SWAP70: variants seen among roughly 807,000 people sequenced by gnomAD.
SWAP70 encodes switching B cell complex subunit SWAP70.
In SWAP70, 34 loss-of-function variants were observed where a neutral mutation model predicts 80.2. The ratio of observed to expected loss-of-function variants is 0.42; its 90% CI spans 0.32 to 0.56. The LOEUF is 0.56. Ranked by LOEUF, SWAP70 falls within the 20% of genes least tolerant of loss-of-function variation. SWAP70 has a pLI of 0.09. For synonymous variants in SWAP70, 239 were observed against 238.5 expected, an observed-to-expected ratio of 1.00 and a Z score of -0.02; for missense variants, 578 against 690.7, an observed-to-expected ratio of 0.84 and a Z score of 1.83.
chr11:9,748,141 A>C, intron 10 of SWAP70, 85 bp downstream of exon 10: 1 of 1,371,292 alleles, frequency 7.3e-7, no homozygotes, highest in South Asian at 1.3e-5. Flanking sequence ...TTAGCTGCCA[A>C]TATGAAGCTG....
intron 2 of SWAP70, among the ~76,000 whole-genome samples, chr11:9,695,837 C>G (rs1480115381): frequency 1.3e-5 from 2 of 152,044 alleles, no homozygotes; most frequent in Non-Finnish European, 2.9e-5. Flanking sequence ...TCCTGTCACC[C>G]AGGCTGGAGT....
At chr11:9,701,437 G>T (rs931953004) in intron 2 of SWAP70, among the ~76,000 whole-genome samples, 3 of 151,882 alleles carry the variant, frequency 2.0e-5, no homozygotes, top group Non-Finnish European at 4.4e-5. Context: ...CTCCCAAAAT[G>T]CTGGGATTAT....
At chr11:9,668,537 C>T (rs886164795) in intron 1 of SWAP70, among the ~76,000 whole-genome samples, 3 of 152,150 alleles carry the variant, frequency 2.0e-5, no homozygotes, top group Admixed American at 1.3e-4. Context: ...GTTCTGTTGG[C>T]TGGGAGTAGA....
intron 3 of SWAP70, among the ~76,000 whole-genome samples, chr11:9,715,604 A>T (rs1378473137): frequency 6.6e-6 from 1 of 152,250 alleles, no homozygotes; most frequent in Non-Finnish European, 1.5e-5. Context: ...GCTTACAATC[A>T]TGGCAGAAGG....
At chr11:9,718,845 G>A (rs1381306805) in intron 3 of SWAP70, among the ~76,000 whole-genome samples, 1 of 151,958 alleles carries the variant, frequency 6.6e-6, no homozygotes, top group East Asian at 1.9e-4. Context: ...GGTGGTTCAT[G>A]CCTGCAATCT....
At chr11:9,721,872 A>G (rs1851142903) in intron 3 of SWAP70, among the ~76,000 whole-genome samples, 1 of 152,250 alleles carries the variant, frequency 6.6e-6, no homozygotes, top group Admixed American at 6.5e-5. Flanking sequence ...AAAAAACATT[A>G]TAACCAAATT....
chr11:9,726,000 AT>A (rs34381766), intron 4 of SWAP70, among the ~76,000 whole-genome samples: 49,734 of 152,072 alleles, frequency 0.33, 8,357 homozygotes, highest in Non-Finnish European at 0.35. Flanking sequence ...AGGTAATGTT[AT>A]GCATGTGTGT....
chr11:9,710,359 TTCC>T (rs1850978878), intron 2 of SWAP70, among the ~76,000 whole-genome samples: 2 of 152,124 alleles, frequency 1.3e-5, no homozygotes, highest in African/African-American at 4.8e-5. Flanking sequence ...TGCTGCTGCT[TTCC>T]CTCCATGGGA....
At chr11:9,712,588 A>C (rs1170652841) in intron 2 of SWAP70, among the ~76,000 whole-genome samples, 1 of 152,226 alleles carries the variant, frequency 6.6e-6, no homozygotes, top group East Asian at 1.9e-4. Flanking sequence ...TAGGCCAGGC[A>C]CAGTGGCTCA....
chr11:9,748,069 G>C lies in SWAP70; in HGVS notation c.1554+13G>C, dbSNP rs776894167. The C allele has an allele frequency of 1.1e-5, 17 of 1,609,870 alleles. No individual in the cohort carries two copies. Among genetic ancestry groups the C allele is most frequent in the Non-Finnish European group, 8.5e-7 (1 of 1,177,190 alleles). On this transcript the variant is annotated intron_variant, in intron 10 of 11. Coordinates refer to ENST00000318950, the MANE Select transcript of SWAP70 (RefSeq NM_015055.4). Reference sequence around the variant, plus strand: ...TGAGCAGTACGAGGTAATGAGACTTGGCCCTGCAAACTTGTATATTTAAAT... The same window carrying C: ...TGAGCAGTACGAGGTAATGAGACTTCGCCCTGCAAACTTGTATATTTAAAT...
At chr11:9,744,708 G>A (rs1851488709) in intron 9 of SWAP70, among the ~76,000 whole-genome samples, 1 of 152,072 alleles carries the variant, frequency 6.6e-6, no homozygotes, top group Non-Finnish European at 1.5e-5. Flanking sequence ...CGGAGTTTGA[G>A]ACCAGCCTGG....
At chr11:9,737,079 C>T (rs949439693) in intron 7 of SWAP70, among the ~76,000 whole-genome samples, 3 of 152,180 alleles carry the variant, frequency 2.0e-5, no homozygotes, top group Non-Finnish European at 4.4e-5. Context: ...TTAGCTGGTC[C>T]GTGTGTTAGT....
intron 2 of SWAP70, among the ~76,000 whole-genome samples, chr11:9,698,225 C>T (rs1246376165): frequency 7.9e-5 from 12 of 151,378 alleles, no homozygotes; most frequent in Non-Finnish European, 1.6e-4. Context: ...CCCAGCCTCC[C>T]CAGTAAATGG....
intron 1 of SWAP70, among the ~76,000 whole-genome samples, chr11:9,669,529 C>G (rs1850348469): frequency 1.3e-5 from 2 of 152,114 alleles, no homozygotes; most frequent in South Asian, 4.1e-4. Context: ...CACGCCCAGC[C>G]TAATTTATTT....
At chr11:9,664,425 T>A in intron 1 of SWAP70, 147 bp downstream of exon 1, 1 of 857,028 alleles carries the variant, frequency 1.2e-6, no homozygotes, top group Non-Finnish European at 1.8e-6. Flanking sequence ...GCGGAGTGGG[T>A]CTGAGACCGG....
chr11:9,685,636 CTTTT>C (rs943558916), intron 1 of SWAP70, among the ~76,000 whole-genome samples: 1 of 149,084 alleles, frequency 6.7e-6, no homozygotes, highest in Non-Finnish European at 1.5e-5. Context: ...GGCCTCACCT[CTTTT>C]TTTTTTGAGA....
At chr11:9,726,878 T>G (rs1851231757) in intron 4 of SWAP70, 1 of 456,296 alleles carries the variant, frequency 2.2e-6, no homozygotes, top group Middle Eastern at 3.3e-4. Context: ...AGCCAGTATT[T>G]GAACTCCTGG....
rs141919126 is a variant in SWAP70 at position 9,681,585 on chromosome 11, A to G, written c.100-12561A>G. Among the ~76,000 whole-genome samples, 253 of 152,278 alleles carry G rather than the reference A, an allele frequency of 1.7e-3. 3 individuals carry two copies. The highest frequency in any genetic ancestry group is 5.9e-3 in the African/African-American group (244 of 41,560). On this transcript the variant is annotated intron_variant, in intron 1 of 11. Coordinates refer to ENST00000318950, the MANE Select transcript of SWAP70 (RefSeq NM_015055.4). Reference sequence around the variant, plus strand: ...TTGGGGGACTTGTTAGTGGGGTGCTATGAAGTCTGGGTAAGTTGGTGAGTG... The same window carrying G: ...TTGGGGGACTTGTTAGTGGGGTGCTGTGAAGTCTGGGTAAGTTGGTGAGTG...
intron 4 of SWAP70, among the ~76,000 whole-genome samples, chr11:9,726,730 TAAAC>T (rs1376525076): frequency 6.6e-6 from 1 of 152,252 alleles, no homozygotes; most frequent in Non-Finnish European, 1.5e-5. Context: ...CAGCTATTCT[TAAAC>T]AAGCCTGAAG....
Sources: gnomAD v4.1 joint callset for allele counts (sites outside exome capture counted in the v4.1 genomes callset) on GRCh38, gnomAD v4.1.1 for gene constraint, MANE v1.5 for transcripts, NCBI Gene and HGNC (gene_info 2026-07-23, HGNC 2026-07-21) for gene names.